The following C10orf90 variants were observed in gnomAD, a reference collection of about 807,000 sequenced individuals.
C10orf90 encodes the protein (E2-independent) E3 ubiquitin-conjugating enzyme FATS.
In C10orf90, 56 loss-of-function variants were observed where a neutral mutation model predicts 62.5. The observed-to-expected ratio is 0.90, with a 90% CI of 0.72 to 1.12. The LOEUF is 1.12. C10orf90 is among the 50% of genes most tolerant of loss of function. The pLI is 0.00. For missense variants in C10orf90, 970 were observed against 880.4 expected, an observed-to-expected ratio of 1.10 and a Z score of -1.29; for synonymous variants, 386 against 340.4, an observed-to-expected ratio of 1.13 and a Z score of -1.47.
chr10:126,490,784 C>T (rs565302010), intron 4 of C10orf90, among the ~76,000 whole-genome samples: 2 of 151,976 alleles, frequency 1.3e-5, no homozygotes, highest in African/African-American at 2.4e-5. Context: ...AGGATAAAGG[C>T]GAGGATGTTC....
intron 2 of C10orf90, among the ~76,000 whole-genome samples, chr10:126,561,369 C>T (rs989885468): frequency 2.6e-5 from 4 of 152,134 alleles, no homozygotes; most frequent in African/African-American, 9.7e-5. Context: ...GGCTTGAATA[C>T]CTTAGAAGAG....
intron 2 of C10orf90, among the ~76,000 whole-genome samples, chr10:126,537,949 G>A (rs554289290): frequency 3.5e-4 from 54 of 152,200 alleles, no homozygotes; most frequent in Non-Finnish European, 6.2e-4. Context: ...TACAGAAAAG[G>A]GAACATTTAG....
At chr10:126,492,853 A>C (rs1480641366) in intron 4 of C10orf90, among the ~76,000 whole-genome samples, 1 of 152,234 alleles carries the variant, frequency 6.6e-6, no homozygotes, top group Non-Finnish European at 1.5e-5. Context: ...TAGATTAAAA[A>C]GTCTTAAATT....
chr10:126,465,003 A>ACAACT lies in C10orf90; in HGVS notation c.1535-18_1535-17insAGTTG. 6.3e-7 allele frequency: 1 copy of ACAACT among 1,590,590 alleles called. No individual in the cohort carries two copies. The highest frequency in any genetic ancestry group is 2.3e-5 in the East Asian group (1 of 44,300). On this transcript the variant is annotated splice_polypyrimidine_tract_variant and intron_variant, in intron 4 of 9. Transcript: ENST00000488181. ...TTGTGTGTACTAAAAATAAAACGAGAGTTGTGCTCAAAATCTCTTATGAAT... is the reference window on the plus strand; with the variant it reads ...TTGTGTGTACTAAAAATAAAACGAGACAACTGTTGTGCTCAAAATCTCTTATGAAT...
intron 4 of C10orf90, among the ~76,000 whole-genome samples, chr10:126,485,642 A>G (rs929685752): frequency 4.0e-4 from 61 of 152,220 alleles, no homozygotes; most frequent in African/African-American, 1.4e-3. Flanking sequence ...TCTGAAGCAA[A>G]TAAAAACCTT....
chr10:126,492,603 T>C (rs1463457661), intron 4 of C10orf90, among the ~76,000 whole-genome samples: 1 of 152,144 alleles, frequency 6.6e-6, no homozygotes, highest in Non-Finnish European at 1.5e-5. Context: ...ATGAGAACTC[T>C]GAAGAAAACT....
At chr10:126,524,322 T>A (rs756005911) in intron 2 of C10orf90, among the ~76,000 whole-genome samples, 8 of 152,180 alleles carry the variant, frequency 5.3e-5, no homozygotes, top group Admixed American at 1.3e-4. Context: ...TATAAGCAGT[T>A]AGACACAGGT....
At chr10:126,516,320 G>A (rs2133926399) in intron 2 of C10orf90, among the ~76,000 whole-genome samples, 1 of 152,300 alleles carries the variant, frequency 6.6e-6, no homozygotes, top group African/African-American at 2.4e-5. Flanking sequence ...GTTGTGATTG[G>A]CAATGAGCAG....
intron 2 of C10orf90, chr10:126,524,951 T>C (rs562617313): frequency 7.1e-6 from 5 of 703,900 alleles, no homozygotes; most frequent in South Asian, 6.4e-5. Flanking sequence ...TTGAAAGTCA[T>C]AGTGTGGTTT....
chr10:126,572,349 C>T (rs1844523979), intron 2 of C10orf90, among the ~76,000 whole-genome samples: 1 of 152,022 alleles, frequency 6.6e-6, no homozygotes, highest in South Asian at 2.1e-4. Context: ...TAGGGCGAGT[C>T]CACAGTGCAA....
chr10:126,480,041 G>A (rs142378014), intron 4 of C10orf90, among the ~76,000 whole-genome samples: 69 of 152,270 alleles, frequency 4.5e-4, no homozygotes, highest in African/African-American at 1.4e-3. Flanking sequence ...GGCTAGTGGA[G>A]TACTGCATTC....
At chr10:126,455,449 C>T (rs1399895954) in intron 7 of C10orf90, among the ~76,000 whole-genome samples, 1 of 152,196 alleles carries the variant, frequency 6.6e-6, no homozygotes, top group Admixed American at 6.5e-5. Context: ...TCTGAGAATC[C>T]TATGACCATT....
intron 2 of C10orf90, among the ~76,000 whole-genome samples, chr10:126,587,916 C>T (rs1170277803): frequency 1.3e-5 from 2 of 152,150 alleles, no homozygotes; most frequent in African/African-American, 2.4e-5. Context: ...GGAATTCTGG[C>T]AAGACAGGAG....
chr10:126,539,759 A>G (rs558108944), intron 2 of C10orf90, among the ~76,000 whole-genome samples: 244 of 152,356 alleles, frequency 1.6e-3, no homozygotes, highest in Non-Finnish European at 2.7e-3. Context: ...AATACGTTGC[A>G]TGACTTGTGA....
chr10:126,515,589 A>G (rs1863397309), intron 2 of C10orf90, among the ~76,000 whole-genome samples: 1 of 152,206 alleles, frequency 6.6e-6, no homozygotes, highest in Non-Finnish European at 1.5e-5. Context: ...TATACCATCT[A>G]GGTTTGTACA....
chr10:126,489,731 C>T (rs1861617088), intron 4 of C10orf90, among the ~76,000 whole-genome samples: 2 of 151,002 alleles, frequency 1.3e-5, no homozygotes, highest in South Asian at 2.1e-4. Context: ...GGGCATATAC[C>T]CCAAAGAATT....
chr10:126,484,228 T>A (rs147924914), intron 4 of C10orf90, among the ~76,000 whole-genome samples: 93 of 152,298 alleles, frequency 6.1e-4, no homozygotes, highest in African/African-American at 2.1e-3. Context: ...CAATTCCCTC[T>A]AGATTCATCA....
chr10:126,557,841 G>A (rs1349413396), intron 2 of C10orf90, among the ~76,000 whole-genome samples: 1 of 151,878 alleles, frequency 6.6e-6, no homozygotes. Flanking sequence ...TGGGGCTGGT[G>A]TTACTTTGAC....
At chr10:126,522,551 T>G (rs116409470) in intron 2 of C10orf90, among the ~76,000 whole-genome samples, 2,826 of 152,308 alleles carry the variant, frequency 0.019, 79 homozygotes, top group African/African-American at 0.064. Context: ...CTGGTCAGTG[T>G]CTCCGTCATG....
Sources: gnomAD v4.1 joint callset for allele counts (sites outside exome capture counted in the v4.1 genomes callset) on GRCh38, gnomAD v4.1.1 for gene constraint, MANE v1.5 for transcripts, NCBI Gene and HGNC (gene_info 2026-07-23, HGNC 2026-07-21) for gene names.